The following PRSS55 variants were observed in gnomAD, a reference collection of about 807,000 sequenced individuals.
PRSS55 encodes probable serine protease UNQ9391/PRO34284.
In PRSS55, 41 loss-of-function variants were observed where a neutral mutation model predicts 23.6. The observed-to-expected ratio is 1.74, with a 90% confidence interval of 1.35 to 2.26. PRSS55 has a LOEUF of 2.26. Among genes scored for constraint, PRSS55 ranks in the 30% most tolerant of loss-of-function variants. The pLI is 0.00. For synonymous variants in PRSS55, 262 were observed against 175.5 expected (o/e 1.49, Z -3.90); for missense variants, 669 against 439.1 (o/e 1.52, Z -4.68).
At chr8:10,544,423 T>A (rs1433996096) in intron 4 of PRSS55, among the ~76,000 whole-genome samples, 3 of 152,212 alleles carry the variant, frequency 2.0e-5, no homozygotes, top group African/African-American at 7.2e-5. Context: ...TAAATGTGTT[T>A]CCTGTAGACA....
At chr8:10,546,710 G>T (rs1027545002) in intron 4 of PRSS55, among the ~76,000 whole-genome samples, 2 of 151,910 alleles carry the variant, frequency 1.3e-5, no homozygotes, top group East Asian at 3.9e-4. Context: ...AAAACACAGG[G>T]TCTCACTCTG....
chr8:10,532,768 G>A, intron 3 of PRSS55, 138 bp from the exon 4 acceptor site: 1 of 1,015,854 alleles, frequency 9.8e-7, no homozygotes, highest in South Asian at 1.6e-5. Context: ...TAACCTGAAG[G>A]AAGTGAGGGG....
downstream of PRSS55, among the ~76,000 whole-genome samples, chr8:10,543,011 T>G (rs989034974): frequency 2.0e-5 from 3 of 152,076 alleles, no homozygotes; most frequent in African/African-American, 7.2e-5. Context: ...TCTTCCTTAT[T>G]GCAAGTTTCT....
chr8:10,536,904 T>A (rs926193072), intron 4 of PRSS55, among the ~76,000 whole-genome samples: 3 of 152,222 alleles, frequency 2.0e-5, no homozygotes, highest in South Asian at 2.1e-4. Flanking sequence ...GGTAGTTTTT[T>A]ACTACCCATC....
intron 2 of PRSS55, among the ~76,000 whole-genome samples, chr8:10,530,979 T>C (rs1812232978): frequency 6.6e-6 from 1 of 152,198 alleles, no homozygotes; most frequent in Admixed American, 6.5e-5. Context: ...AAGTGGCTTT[T>C]TGTGGGCTGT....
At chr8:10,535,115 C>G (rs1186740566) in intron 4 of PRSS55, among the ~76,000 whole-genome samples, 1 of 152,150 alleles carries the variant, frequency 6.6e-6, no homozygotes, top group African/African-American at 2.4e-5. Context: ...TAGGAAGAAT[C>G]AATATCATTA....
At position 10,532,929 on chromosome 8, in the gene PRSS55, G is replaced by T. The variant is rs1487161743; in HGVS notation, c.622G>T (p.Asp208Tyr). 10 of 1,614,070 alleles carry T rather than the reference G, an allele frequency of 6.2e-6. No individual in the cohort carries two copies. Among genetic ancestry groups the T allele is most frequent in the Admixed American group, 5.0e-5 (3 of 60,004 alleles). ...AGCTGACAAAAACTCTGTGAAAACG[G>T]ATCTGATGAAAGCGCCAATGGTCAT... Reference protein sequence around the residue: ...NAADKNSVKTDLMKAPMVIMD... With the variant: ...NAADKNSVKTYLMKAPMVIMD... Residue 208 changes from aspartate to tyrosine, a missense_variant, in exon 4 of 5, where the codon GAT (aspartate) becomes TAT (tyrosine). Transcript: ENST00000328655.
At position 10,533,136 on chromosome 8, in the gene PRSS55, G is replaced by C; in HGVS notation, c.741+88G>C. On this transcript the variant is annotated intron_variant, in intron 4 of 4. Coordinates refer to ENST00000328655, the MANE Select transcript of PRSS55 (RefSeq NM_198464.4). ...GGGTATTCTCTCTCTGCTGCAAATA[G>C]ACAATTCTGAGTCTGGAAAATGTAT... The C allele has an allele frequency of 5.0e-6, 7 of 1,394,534 alleles. No individual in the cohort carries two copies. In the South Asian group the frequency reaches 5.2e-5, roughly 10 times the overall value. 86.4% of individuals were successfully genotyped at this position (1,394,534 alleles called of 1,614,324 possible).
chr8:10,528,200 CAAAA>C (rs35143057), intron 1 of PRSS55, among the ~76,000 whole-genome samples: 1 of 89,612 alleles, frequency 1.1e-5, no homozygotes, highest in Non-Finnish European at 2.2e-5. Context: ...CTTCGTCTCT[CAAAA>C]AAAAAAAAAA....
chr8:10,541,682 A>T (rs1812660724), downstream of PRSS55: 1 of 152,172 alleles, frequency 6.6e-6, no homozygotes, highest in South Asian at 2.1e-4. Context: ...TTTTCTGGAA[A>T]ACCTGACTAA....
intron 4 of PRSS55, among the ~76,000 whole-genome samples, chr8:10,548,221 G>T (rs535808565): frequency 2.6e-5 from 4 of 152,284 alleles, no homozygotes; most frequent in South Asian, 2.1e-4. Context: ...CTGGAGTGGG[G>T]TGCAGTTCCC....
chr8:10,538,430 C>A, intron 4 of PRSS55, 46 bp from the exon 5 acceptor site: 1 of 1,443,194 alleles, frequency 6.9e-7, no homozygotes, highest in South Asian at 1.3e-5. Flanking sequence ...CTCAGATGGG[C>A]AGCTTAGAAC....
chr8:10,553,444 C>T (rs1812994918), intron 4 of PRSS55, among the ~76,000 whole-genome samples: 1 of 152,126 alleles, frequency 6.6e-6, no homozygotes, highest in African/African-American at 2.4e-5. Flanking sequence ...TATATATGTA[C>T]ACAATAAAAT....
chr8:10,544,956 A>G, intron 4 of PRSS55: 1 of 959,696 alleles, frequency 1.0e-6, no homozygotes, highest in Non-Finnish European at 1.2e-6. Flanking sequence ...TAGAATTTTT[A>G]TATTAACTTT....
intron 1 of PRSS55, among the ~76,000 whole-genome samples, chr8:10,528,160 C>G (rs1812104603): frequency 6.7e-6 from 1 of 149,268 alleles, no homozygotes; most frequent in African/African-American, 2.5e-5. Context: ...GATGGTGCCA[C>G]TGCACTCCAG....
chr8:10,543,430 TCC>T (rs1812718827), downstream of PRSS55, among the ~76,000 whole-genome samples: 4 of 18,882 alleles, frequency 2.1e-4, no homozygotes, highest in Admixed American at 3.9e-3. Flanking sequence ...CTTTCTTCCT[TCC>T]TTCCTTCCTT....
intron 4 of PRSS55, among the ~76,000 whole-genome samples, chr8:10,546,459 C>T (rs1186554351): frequency 6.6e-6 from 1 of 152,194 alleles, no homozygotes; most frequent in Admixed American, 6.5e-5. Flanking sequence ...TCAATCCCAG[C>T]AGCTAGTTGC....
chr8:10,540,095 C>T (rs1348489263), downstream of PRSS55, among the ~76,000 whole-genome samples: 3 of 152,234 alleles, frequency 2.0e-5, no homozygotes, highest in Admixed American at 6.5e-5. Context: ...CTCAGCCCCT[C>T]CGAGTTGCTT....
At chr8:10,549,651 G>A (rs574231168) in intron 4 of PRSS55, among the ~76,000 whole-genome samples, 99 of 152,326 alleles carry the variant, frequency 6.5e-4, no homozygotes, top group South Asian at 1.0e-3. Flanking sequence ...GGCCATGTTA[G>A]GGTACCAGGC....
Sources: gnomAD v4.1 joint callset for allele counts (sites outside exome capture counted in the v4.1 genomes callset) on GRCh38, gnomAD v4.1.1 for gene constraint, MANE v1.5 for transcripts, NCBI Gene and HGNC (gene_info 2026-07-23, HGNC 2026-07-21) for gene names.